Variants in MAF observed in about 807,000 individuals in gnomAD.
The protein encoded by MAF is transcription factor Maf.
A neutral mutation model predicts 22.0 loss-of-function variants in MAF; 10 were observed. The ratio of observed to expected loss-of-function variants is 0.45; its 90% CI spans 0.28 to 0.77. MAF has a LOEUF of 0.77. Ranked by LOEUF, MAF falls within the 30% of genes least tolerant of loss-of-function variation. The pLI is 0.12. For synonymous variants in MAF, 337 were observed against 255.8 expected (o/e 1.32, Z -3.03); for missense variants, 544 against 548.4 (o/e 0.99, Z 0.08).
At chr16:79,479,030 T>A in the MAF span, among the ~76,000 whole-genome samples, 1 of 147,298 alleles carries the variant, frequency 6.8e-6, no homozygotes, top group Non-Finnish European at 1.5e-5. Flanking sequence ...CCCCAGCGTA[T>A]ATTTATAGTA....
chr16:79,486,872 C>A, the MAF span, among the ~76,000 whole-genome samples: 1 of 152,210 alleles, frequency 6.6e-6, no homozygotes, highest in Non-Finnish European at 1.5e-5. Context: ...CGTAGCTACT[C>A]CATGGCCTTC....
chr16:79,586,642 C>T (rs912142545), intron 1 of MAF, among the ~76,000 whole-genome samples: 2 of 152,178 alleles, frequency 1.3e-5, no homozygotes, highest in Admixed American at 6.5e-5. Flanking sequence ...AAGTAGTTAG[C>T]TTTCTATGGT....
the MAF span, among the ~76,000 whole-genome samples, chr16:79,449,307 G>T: frequency 6.6e-6 from 1 of 152,206 alleles, no homozygotes; most frequent in African/African-American, 2.4e-5. Context: ...CACTGGTACT[G>T]GTCTGTGGCC....
chr16:79,361,272 T>C, the MAF span, among the ~76,000 whole-genome samples: 1 of 152,134 alleles, frequency 6.6e-6, no homozygotes, highest in Non-Finnish European at 1.5e-5. Flanking sequence ...AACTTTAATC[T>C]ACCAGCATCC....
chr16:79,494,522 G>A, the MAF span, among the ~76,000 whole-genome samples: 2 of 152,052 alleles, frequency 1.3e-5, no homozygotes, highest in African/African-American at 2.4e-5. Flanking sequence ...CATGTGATCC[G>A]ATTGTATTCC....
At chr16:79,544,637 G>T in the MAF span, among the ~76,000 whole-genome samples, 1 of 151,810 alleles carries the variant, frequency 6.6e-6, no homozygotes, top group African/African-American at 2.4e-5. Context: ...AGCCAGGCGT[G>T]GTGGCAGGTA....
At chr16:79,303,319 C>G in the MAF span, among the ~76,000 whole-genome samples, 1 of 152,190 alleles carries the variant, frequency 6.6e-6, no homozygotes, top group Non-Finnish European at 1.5e-5. Context: ...TTGTGCCTCA[C>G]CAGGCAGATA....
At chr16:79,234,846 C>G in the MAF span, among the ~76,000 whole-genome samples, 2 of 152,090 alleles carry the variant, frequency 1.3e-5, no homozygotes, top group Non-Finnish European at 2.9e-5. Flanking sequence ...GATCATGTAA[C>G]TTACTTTGCA....
the MAF span, among the ~76,000 whole-genome samples, chr16:79,312,570 G>A: frequency 6.6e-6 from 1 of 152,222 alleles, no homozygotes; most frequent in East Asian, 1.9e-4. Flanking sequence ...AGAGCAGAGA[G>A]ACAGAAATTC....
At chr16:79,330,128 A>C in the MAF span, among the ~76,000 whole-genome samples, 1 of 152,194 alleles carries the variant, frequency 6.6e-6, no homozygotes, top group African/African-American at 2.4e-5. Context: ...TGGGCTGCAA[A>C]GGCTCTCATC....
the MAF span, among the ~76,000 whole-genome samples, chr16:79,380,935 AG>A: frequency 6.6e-6 from 1 of 152,194 alleles, no homozygotes; most frequent in Non-Finnish European, 1.5e-5. Flanking sequence ...CAATTATTTC[AG>A]TAGGAATGTG....
the MAF span, among the ~76,000 whole-genome samples, chr16:79,405,166 G>A: frequency 6.6e-6 from 1 of 152,156 alleles, no homozygotes; most frequent in African/African-American, 2.4e-5. Context: ...AGCACTCTGA[G>A]GGATTTATCC....
the MAF span, among the ~76,000 whole-genome samples, chr16:79,487,362 TC>T: frequency 6.6e-6 from 1 of 152,156 alleles, no homozygotes; most frequent in South Asian, 2.1e-4. Context: ...TTGAGAATAT[TC>T]TATATTTTGA....
the MAF span, among the ~76,000 whole-genome samples, chr16:79,481,740 G>A: frequency 1.3e-5 from 2 of 152,020 alleles, no homozygotes; most frequent in African/African-American, 2.4e-5. Context: ...ATCCATGCAG[G>A]TACTCACTTA....
chr16:79,342,953 A>G, the MAF span, among the ~76,000 whole-genome samples: 1 of 152,174 alleles, frequency 6.6e-6, no homozygotes, highest in Non-Finnish European at 1.5e-5. Flanking sequence ...AAAAAGGAAG[A>G]TGTGCAAATC....
the MAF span, among the ~76,000 whole-genome samples, chr16:79,479,183 C>T: frequency 6.6e-6 from 1 of 151,992 alleles, no homozygotes; most frequent in Admixed American, 6.5e-5. Context: ...TGTGCTCGTG[C>T]ACCACCCCAG....
chr16:79,275,891 C>T, the MAF span, among the ~76,000 whole-genome samples: 28 of 152,266 alleles, frequency 1.8e-4, 1 homozygote, highest in Middle Eastern at 6.8e-3. Flanking sequence ...CCTGTAATCC[C>T]AGCACTTTGG....
chr16:79,438,058 T>A, the MAF span, among the ~76,000 whole-genome samples: 1 of 151,978 alleles, frequency 6.6e-6, no homozygotes, highest in Admixed American at 6.6e-5. Context: ...AGAGCCTGTC[T>A]CTTAGAGACG....
chr16:79,597,688 G>A, intron 1 of MAF: 2 of 1,019,888 alleles, frequency 2.0e-6, no homozygotes, highest in South Asian at 9.3e-5. Context: ...AAGTCATGAG[G>A]CAATAAAACA....
Sources: gnomAD v4.1 joint callset for allele counts (sites outside exome capture counted in the v4.1 genomes callset) on GRCh38, gnomAD v4.1.1 for gene constraint, MANE v1.5 for transcripts, NCBI Gene and HGNC (gene_info 2026-07-23, HGNC 2026-07-21) for gene names.